USP39: variants seen among roughly 807,000 people sequenced by gnomAD.
USP39 encodes the protein ubiquitin carboxyl-terminal hydrolase 39.
In USP39, 38 loss-of-function variants were observed where a neutral mutation model predicts 66.4. The ratio of observed to expected loss-of-function variants is 0.57; its 90% confidence interval spans 0.44 to 0.75. The LOEUF (loss-of-function observed/expected upper bound fraction) is 0.75. Among genes scored for constraint, USP39 ranks in the 30% least tolerant of loss-of-function variants. The probability of loss-of-function intolerance (pLI) is 0.00; values close to 1 mark genes in which losing one functional copy is unlikely to be tolerated. For synonymous variants in USP39, 303 were observed against 274.6 expected (o/e 1.10, Z -1.02); for missense variants, 608 against 714.4 (o/e 0.85, Z 1.70).
chr2:85,616,118 C>G (rs752053431), upstream of USP39: 9 of 1,385,370 alleles, frequency 6.5e-6, no homozygotes, highest in East Asian at 2.6e-4. Flanking sequence ...TCGCTACCAG[C>G]CCCTCTCCTG....
chr2:85,623,485 T>G, intron 3 of USP39, 161 bp from the exon 4 acceptor site: 2 of 1,048,410 alleles, frequency 1.9e-6, no homozygotes, highest in Non-Finnish European at 2.6e-6. Flanking sequence ...AATTTTTTTA[T>G]GAGAGAACTT....
chr2:85,611,946 G>A (rs764065300), upstream of USP39: 14 of 1,579,106 alleles, frequency 8.9e-6, no homozygotes, highest in Middle Eastern at 1.0e-3. Flanking sequence ...CCCCAGGCTT[G>A]CAGCAGTGCC....
At chr2:85,615,556 G>A (rs1401644672), upstream of USP39, among the ~76,000 whole-genome samples, 1 of 152,156 alleles carries the variant, frequency 6.6e-6, no homozygotes, top group Non-Finnish European at 1.5e-5. Context: ...GTGCAGGATT[G>A]TCAGCCCCCA....
chr2:85,648,986 A>G lies in USP39; in HGVS notation c.*178A>G, dbSNP rs1343730940. The G allele has an allele frequency of 1.4e-6, 1 of 692,710 alleles. No individual in the cohort carries two copies. Among genetic ancestry groups the G allele is most frequent in the East Asian group, 2.5e-5 (1 of 39,790 alleles). 42.9% of individuals were successfully genotyped at this position (692,710 alleles called of 1,614,324 possible). On this transcript the variant is annotated 3_prime_UTR_variant, in exon 13 of 13. Coordinates refer to ENST00000323701, the MANE Select transcript of USP39 (RefSeq NM_006590.4). ...TTGCCTGGGATGGCCCCACACTGTCACTCAGCTGTTCTTTGATCATTTTTT... is the reference window on the plus strand; with the variant it reads ...TTGCCTGGGATGGCCCCACACTGTCGCTCAGCTGTTCTTTGATCATTTTTT...
upstream of USP39, chr2:85,609,095 A>G (rs1441959601): frequency 6.2e-7 from 1 of 1,612,400 alleles, no homozygotes; most frequent in Non-Finnish European, 8.5e-7. Context: ...CAGAAGGCTC[A>G]GGGCCTGGCC....
intron 5 of USP39, among the ~76,000 whole-genome samples, chr2:85,629,939 G>C (rs1675195790): frequency 2.0e-5 from 3 of 152,058 alleles, no homozygotes; most frequent in African/African-American, 4.8e-5. Flanking sequence ...TCCAGCCTGG[G>C]GGATGGAGCA....
upstream of USP39, chr2:85,616,061 C>T (rs1673899258): frequency 1.5e-6 from 2 of 1,293,094 alleles, no homozygotes; most frequent in South Asian, 2.5e-5. Flanking sequence ...CACAAATTTT[C>T]TGCAGCGTGA....
At chr2:85,647,848 C>G in intron 11 of USP39, 82 bp from the exon 12 acceptor site, 1 of 1,292,870 alleles carries the variant, frequency 7.7e-7, no homozygotes, top group South Asian at 1.3e-5. Flanking sequence ...TCTAATTTTT[C>G]TAGTCTTGGC....
chr2:85,645,112 C>T, intron 11 of USP39, 29 bp downstream of exon 11: 2 of 1,613,324 alleles, frequency 1.2e-6, no homozygotes, highest in Non-Finnish European at 1.7e-6. Flanking sequence ...TCTCATGGCA[C>T]AGAGTGGCAA....
rs543640825 is a variant in USP39, at chr2:85,630,787, C to T, written c.790C>T (p.Arg264Cys). 1.2e-6 allele frequency: 2 copies of T among 1,614,178 alleles called. No individual in the cohort carries two copies. Among genetic ancestry groups the T allele is most frequent in the Non-Finnish European group, 1.7e-6 (2 of 1,180,028 alleles). ...AGAAGACAATTATAAGAACATCAAA[C>T]GTCCTCCAGGGGATATCATGTTCTT... ...LEEDNYKNIK[R>C]PPGDIMFLLV... The change falls in exon 6 of 13, where the codon CGT becomes TGT. Residue 264 changes from arginine to cysteine, a missense_variant. Physicochemically the swap from Arg to Cys is radical, Grantham distance 180. Transcript: ENST00000323701.
chr2:85,613,962 C>T (rs949574072), upstream of USP39, among the ~76,000 whole-genome samples: 2 of 151,206 alleles, frequency 1.3e-5, no homozygotes, highest in Non-Finnish European at 2.9e-5. Context: ...TGGGGGGGGT[C>T]TCTCTATGTT....
intron 10 of USP39, among the ~76,000 whole-genome samples, chr2:85,644,338 C>A (rs1676482661): frequency 6.6e-6 from 1 of 151,970 alleles, no homozygotes; most frequent in Non-Finnish European, 1.5e-5. Context: ...TTGTAGACTC[C>A]AAAATGATAT....
At chr2:85,626,603 A>AT (rs1039993477) in intron 5 of USP39, among the ~76,000 whole-genome samples, 29 of 152,222 alleles carry the variant, frequency 1.9e-4, no homozygotes, top group African/African-American at 7.0e-4. Flanking sequence ...TGCCAGATGC[A>AT]TTTTTTTAAA....
At position 85,627,912 on chromosome 2, in the gene USP39, G is replaced by A. The variant is rs528627335; in HGVS notation, c.723+2221G>A. 2.0e-5 allele frequency among the ~76,000 whole-genome samples: 3 copies of A among 152,162 alleles called. No homozygotes were observed. In the South Asian group the frequency reaches 6.2e-4, roughly 32 times the overall value. ...TGAGCTTTAAGAAATATATGATAAAGTTCTTCCCTTTTCTGTTGCATATGT... is the reference window on the plus strand; with the variant it reads ...TGAGCTTTAAGAAATATATGATAAAATTCTTCCCTTTTCTGTTGCATATGT... On this transcript the variant is annotated intron_variant, in intron 5 of 12. Coordinates refer to ENST00000323701, the MANE Select transcript of USP39 (RefSeq NM_006590.4).
At chr2:85,608,781 A>G, upstream of USP39, 1 of 645,210 alleles carries the variant, frequency 1.5e-6, no homozygotes, top group South Asian at 3.3e-5. Flanking sequence ...AGAAAGAATG[A>G]CTGCAAGGCA....
chr2:85,625,476 TG>T, intron 4 of USP39, 62 bp from the exon 5 acceptor site: 1 of 1,597,640 alleles, frequency 6.3e-7, no homozygotes, highest in South Asian at 1.1e-5. Flanking sequence ...TAGAAATTAC[TG>T]TTACAGACAT....
At chr2:85,614,835 C>T (rs1673803122), upstream of USP39, among the ~76,000 whole-genome samples, 2 of 152,220 alleles carry the variant, frequency 1.3e-5, no homozygotes, top group East Asian at 1.9e-4. Flanking sequence ...CTGTAGACAT[C>T]TCTAGGCTAG....
In USP39 at chr2:85,618,776, C is replaced by CT. The variant is rs1244248195; in HGVS notation, c.269-434dup. ...TTCTATTAGTGGGCTTTTTTCTTTT[C>CT]TTTTTTTTTTGAGAGGGAGTTTTGC... On this transcript the variant is annotated intron_variant, in intron 1 of 12. Transcript: ENST00000323701. 4.7e-4 allele frequency among the ~76,000 whole-genome samples: 69 copies of CT among 146,318 alleles called. 1 individual carries two copies. The highest frequency in any genetic ancestry group is 1.1e-3 in the South Asian group (5 of 4,546).
At chr2:85,607,084 A>C (rs1427298930) in intron 1 of USP39, 1 of 152,134 alleles carries the variant, frequency 6.6e-6, no homozygotes, top group East Asian at 1.9e-4. Flanking sequence ...CTAAATTTTC[A>C]GGTGCCAAGC....
Sources: allele counts gnomAD v4.1 joint callset (sites outside exome capture counted in the v4.1 genomes callset), GRCh38; gene constraint gnomAD v4.1.1; transcripts MANE v1.5; gene names NCBI Gene and HGNC (gene_info 2026-07-23, HGNC 2026-07-21).